Variants in ATM observed in about 807,000 individuals in gnomAD.
ATM encodes serine-protein kinase ATM.
Under a neutral mutation model 387.0 loss-of-function variants are expected in ATM, and 308 were observed. That is an observed-to-expected ratio of 0.80 (90% CI 0.73 to 0.87). The LOEUF is 0.87. ATM is among the 40% of genes least tolerant of loss of function. ATM has a pLI of 0.00. For synonymous variants in ATM, 1,156 were observed against 1,187.3 expected (o/e 0.97, Z 0.54); for missense variants, 3,312 against 3,560.9 (o/e 0.93, Z 1.78).
intron 33 of ATM, among the ~76,000 whole-genome samples, chr11:108,298,017 T>G (rs932810545): frequency 1.3e-5 from 2 of 152,220 alleles, no homozygotes; most frequent in African/African-American, 4.8e-5. Flanking sequence ...GTGTCTTTTG[T>G]TATGTAGCAG....
rs2081012054 is a variant in ATM at position 108,263,167 on chromosome 11, A to G, written c.2467-4004A>G. Among the ~76,000 whole-genome samples the G allele has an allele frequency of 2.7e-5, 4 of 147,158 alleles. No homozygotes were observed. In the South Asian group the frequency reaches 8.9e-4, roughly 33 times the overall value. The stretch of plus-strand genomic sequence containing the variant: ...ACATCTACAGAACTCTCCACCCCAA[A>G]TCAACAGAATATACATTTTTTTCAG... On this transcript the variant is annotated intron_variant, in intron 16 of 62. Coordinates refer to ENST00000675843, the MANE Select transcript of ATM (RefSeq NM_000051.4).
rs2079990109 is a variant in ATM at position 108,248,961 on chromosome 11, AG to A, written c.1095del (p.Ile366PhefsTer24). ...QVFNEDTRSL[E>X]ISQSYTTTQR... Reference sequence around the variant, plus strand: ...TTTAATGAAGATACCAGATCCTTGGAGATTTCTCAATCTTACACTACTACAC... The same window carrying A: ...TTTAATGAAGATACCAGATCCTTGGAATTTCTCAATCTTACACTACTACAC... On this transcript the variant is annotated frameshift_variant, in exon 9 of 63. Coordinates refer to ENST00000675843, the MANE Select transcript of ATM (RefSeq NM_000051.4). LOFTEE classifies it high-confidence loss of function. The A allele has an allele frequency of 1.9e-6, 3 of 1,611,396 alleles. No homozygotes were observed. The highest frequency in any genetic ancestry group is 1.7e-5 in the Admixed American group (1 of 59,842).
At chr11:108,245,262 A>G (rs45548831) in intron 7 of ATM, among the ~76,000 whole-genome samples, 275 of 152,280 alleles carry the variant, frequency 1.8e-3, no homozygotes, top group Admixed American at 4.3e-3. Flanking sequence ...TGGGAAATAC[A>G]AAAAAATCTG....
At position 108,301,893 on chromosome 11, in the gene ATM, C is replaced by T. The variant is rs564704508; in HGVS notation, c.5319+104C>T. The stretch of plus-strand genomic sequence containing the variant: ...ATTGCTTGAAATAGTATTGTACTAA[C>T]TATTAACCTTTCCTATAAGTAATTT... On this transcript the variant is annotated intron_variant, in intron 35 of 62. Coordinates refer to ENST00000675843, the MANE Select transcript of ATM (RefSeq NM_000051.4). 131 of 1,227,860 alleles carry T rather than the reference C, an allele frequency of 1.1e-4. 1 individual carries two copies. In the South Asian group the frequency reaches 1.6e-3, roughly 15 times the overall value. The allele number at this position is 1,227,860 out of a possible 1,614,324, so 76.1% of individuals were successfully genotyped here. A position where few individuals can be genotyped will look rare whatever the true frequency, so the allele number is the denominator to read the frequency against.
intron 61 of ATM, among the ~76,000 whole-genome samples, chr11:108,359,858 C>T (rs374872950): frequency 7.2e-5 from 11 of 152,074 alleles, no homozygotes; most frequent in East Asian, 3.9e-4. Flanking sequence ...AGATCCAAAA[C>T]TGACACCCTA....
At chr11:108,295,995 A>T (rs957759443) in intron 32 of ATM, 19 of 152,054 alleles carry the variant, frequency 1.2e-4, no homozygotes, top group African/African-American at 4.6e-4. Flanking sequence ...AACCATGTAA[A>T]AGAAAATTTT....
Position 108,282,727 on chromosome 11 carries a change from T to C in ATM, c.3594T>C (p.Ser1198=), listed in dbSNP as rs1555092263. ...HLVKKVLEKV[S]ETFGYRRLED... ...TCGTGCAGGTTTTAGAGAAAGTTTC[T>C]GAAACTTTTGGATATAGACGTTTAG... Residue 1198 remains serine, a synonymous_variant, in exon 25 of 63, where the codon TCT becomes TCC. Transcript: ENST00000675843. The C allele has an allele frequency of 6.2e-7, 1 of 1,613,314 alleles. No individual in the cohort carries two copies.
At chr11:108,301,890 T>A in intron 35 of ATM, 101 bp downstream of exon 35, 1 of 1,233,366 alleles carries the variant, frequency 8.1e-7, no homozygotes, top group Non-Finnish European at 1.2e-6. Context: ...AGTATTGTAC[T>A]AACTATTAAC....
At chr11:108,304,979 C>A in intron 37 of ATM, 127 bp downstream of exon 37, 1 of 1,174,752 alleles carries the variant, frequency 8.5e-7, no homozygotes. Context: ...GTTTCTTCAT[C>A]TATGGAATGG....
In ATM at chr11:108,330,405, T is replaced by C. The variant is rs779810877; in HGVS notation, c.7499T>C (p.Val2500Ala). 4 of 1,614,056 alleles carry C rather than the reference T, an allele frequency of 2.5e-6. No homozygotes were observed. In the African/African-American group the frequency reaches 4.0e-5, roughly 16 times the overall value. Reference protein sequence around the residue: ...LWLENSGVSEVNGMMKRDGMK... With the variant: ...LWLENSGVSEANGMMKRDGMK... ...CTTGAAAATTCTGGAGTTTCTGAAG[T>C]CAATGGCATGATGAAGGCAAGTGTT... is the stretch of plus-strand genomic sequence containing the variant. Residue 2500 changes from valine to alanine, a missense_variant, in exon 50 of 63, where the codon GTC becomes GCC. Around this residue, in one of 4 missense-constraint regions of ATM, gnomAD observed 1,405 missense variants for 1,604.4 expected, o/e 0.88. Coordinates refer to ENST00000675843, the MANE Select transcript of ATM (RefSeq NM_000051.4).
In ATM at chr11:108,244,025, T is replaced by TA; in HGVS notation, c.571dup (p.Ile191AsnfsTer13). The TA allele has an allele frequency of 6.2e-7, 1 of 1,612,628 alleles. No homozygotes were observed. Among genetic ancestry groups the TA allele is most frequent in the Non-Finnish European group, 8.5e-7 (1 of 1,179,398 alleles). On this transcript the variant is annotated frameshift_variant, in exon 6 of 63. Coordinates refer to ENST00000675843, the MANE Select transcript of ATM (RefSeq NM_000051.4). LOFTEE classifies it high-confidence loss of function. ...GTTCATAGAGTTTTAGTGGCTAGAA[T>TA]AATTCATGCTGTTACCAAAGGATGC...
rs2135835446 is a variant in ATM at position 108,294,984 on chromosome 11, G to A, written c.4834G>A (p.Glu1612Lys). 1 of 1,613,896 alleles carries A rather than the reference G, an allele frequency of 6.2e-7. No homozygotes were observed. The highest frequency in any genetic ancestry group is 8.5e-7 in the Non-Finnish European group (1 of 1,179,866). ...VYDALPLTRL[E>K]GLKDLRRQLE... ...TGATGCACTTCCATTGACAAGACTT[G>A]AAGGACTAAAGGATCTTCGAAGACA... is the stretch of plus-strand genomic sequence containing the variant. The change falls in exon 32 of 63, where the codon GAA becomes AAA. Residue 1612 changes from glutamate to lysine, a missense_variant. By Grantham distance (56) the Glu-to-Lys change is moderately conservative (BLOSUM62 1). This residue lies in a region of ATM where 1,405 missense variants were observed against 1,604.4 expected (regional missense o/e 0.88). Transcript: ENST00000675843.
intron 38 of ATM, 24 bp downstream of exon 38, chr11:108,308,008 T>C: frequency 6.3e-7 from 1 of 1,579,718 alleles, no homozygotes; most frequent in South Asian, 1.1e-5. Context: ...TGTTGCTTCT[T>C]ACGTTTAGGA....
At chr11:108,336,286 G>A (rs943190792) in intron 56 of ATM, 2 of 245,366 alleles carry the variant, frequency 8.2e-6, no homozygotes, top group Non-Finnish European at 1.6e-5. Context: ...TCCAGCCTGA[G>A]CAACACAGCA....
intron 56 of ATM, among the ~76,000 whole-genome samples, chr11:108,342,469 T>A (rs1047272645): frequency 7.2e-5 from 11 of 152,146 alleles, no homozygotes; most frequent in African/African-American, 2.7e-4. Flanking sequence ...TTTGTGTACA[T>A]ATAGCTTTGA....
chr11:108,235,631 C>G (rs758090824), intron 4 of ATM, 39 bp from the exon 5 acceptor site: 1 of 1,535,616 alleles, frequency 6.5e-7, no homozygotes, highest in African/African-American at 1.4e-5. Context: ...TATTTTTGTT[C>G]AAATTTATGT....
chr11:108,258,613 AT>A (rs2080656591), intron 15 of ATM, among the ~76,000 whole-genome samples: 2 of 152,202 alleles, frequency 1.3e-5, no homozygotes, highest in South Asian at 4.1e-4. Flanking sequence ...TTGGAAATAT[AT>A]TTCAAACCTA....
chr11:108,293,740 T>C (rs2082943140), intron 31 of ATM, among the ~76,000 whole-genome samples: 2 of 151,430 alleles, frequency 1.3e-5, no homozygotes, highest in Non-Finnish European at 1.5e-5. Flanking sequence ...TAGTCGGGCA[T>C]GGTGATATGT....
chr11:108,286,856 T>C (rs1591653454), intron 26 of ATM, among the ~76,000 whole-genome samples: 2 of 152,224 alleles, frequency 1.3e-5, no homozygotes, highest in East Asian at 1.9e-4. Context: ...TTAAGTAAAT[T>C]AGCCATTTAT....
Sources: gnomAD v4.1 joint callset for allele counts (sites outside exome capture counted in the v4.1 genomes callset) on GRCh38, gnomAD v4.1.1 for gene constraint, gnomAD v4.1.1 regional missense constraint, MANE v1.5 for transcripts, NCBI Gene and HGNC (gene_info 2026-07-23, HGNC 2026-07-21) for gene names.